CHST9: variants seen among roughly 807,000 people sequenced by gnomAD.
CHST9 encodes GalNAc-4-sulfotransferase 2.
CHST9 carries 41 observed loss-of-function variants against 44.4 expected under a neutral mutation model. The observed-to-expected ratio is 0.92, with a 90% CI of 0.72 to 1.20. The LOEUF (loss-of-function observed/expected upper bound fraction) is 1.20, where lower values mean the gene tolerates loss of function less well. Ranked by LOEUF, CHST9 falls within the 50% of genes most tolerant of loss-of-function variation. The pLI is 0.00. For missense variants in CHST9, 504 were observed against 516.5 expected (o/e 0.98, Z 0.23); for synonymous variants, 171 against 178.4 (o/e 0.96, Z 0.33).
At chr18:27,164,430 A>AT (rs377128237) in intron 1 of CHST9, among the ~76,000 whole-genome samples, 2 of 151,978 alleles carry the variant, frequency 1.3e-5, no homozygotes, top group Non-Finnish European at 2.9e-5. Flanking sequence ...AGAAAAAAAA[A>AT]GATGGAAAAT....
intron 4 of CHST9, among the ~76,000 whole-genome samples, chr18:27,018,161 C>CT (rs2057177258): frequency 6.6e-6 from 1 of 152,134 alleles, no homozygotes; most frequent in Admixed American, 6.5e-5. Context: ...CTATGGGGCA[C>CT]TTTAACAAGG....
At chr18:27,133,886 G>A (rs570817907) in intron 2 of CHST9, among the ~76,000 whole-genome samples, 4 of 152,284 alleles carry the variant, frequency 2.6e-5, no homozygotes, top group Admixed American at 6.5e-5. Context: ...GAGGTGTGGC[G>A]CTGTCCAGAA....
chr18:26,924,519 G>A, intron 5 of CHST9: 1 of 567,800 alleles, frequency 1.8e-6, no homozygotes, highest in Non-Finnish European at 2.2e-6. Context: ...CACTGCCCAG[G>A]GAGTAATTTA....
At chr18:26,918,042 C>T (rs1288560236) in intron 5 of CHST9, among the ~76,000 whole-genome samples, 1 of 152,146 alleles carries the variant, frequency 6.6e-6, no homozygotes, top group Non-Finnish European at 1.5e-5. Context: ...ACGTCCTGCT[C>T]TATAAAACTG....
intron 4 of CHST9, among the ~76,000 whole-genome samples, chr18:26,992,626 T>A (rs964380232): frequency 1.3e-5 from 2 of 152,164 alleles, no homozygotes; most frequent in African/African-American, 2.4e-5. Flanking sequence ...CTTTCTTTTT[T>A]TTTTTTAAAG....
At chr18:27,162,274 T>C (rs1239089574) in intron 1 of CHST9, among the ~76,000 whole-genome samples, 1 of 152,136 alleles carries the variant, frequency 6.6e-6, no homozygotes, top group East Asian at 1.9e-4. Flanking sequence ...GTTTAGTGCT[T>C]CCTTCAGGAG....
intron 3 of CHST9, among the ~76,000 whole-genome samples, chr18:27,025,747 T>C (rs1373259919): frequency 6.6e-6 from 1 of 152,154 alleles, no homozygotes; most frequent in Admixed American, 6.5e-5. Context: ...CCACCCAATT[T>C]ATTGTAATTG....
At chr18:26,996,683 ACT>A in intron 4 of CHST9, among the ~76,000 whole-genome samples, 1 of 152,068 alleles carries the variant, frequency 6.6e-6, no homozygotes, top group Middle Eastern at 3.4e-3. Context: ...GAGGATACAG[ACT>A]CTAGTTAAAG....
Position 27,048,446 on chromosome 18 carries a change from C to T in CHST9, c.160+19G>A, listed in dbSNP as rs2057529413. 6.3e-7 allele frequency: 1 copy of T among 1,588,652 alleles called. No individual in the cohort carries two copies. Among genetic ancestry groups the T allele is most frequent in the Non-Finnish European group, 8.6e-7 (1 of 1,166,106 alleles). ...TAAAATCAGGAAATAAAGCTGGAGC[C>T]CATTGGACAAAATCTTACCTGAAGT... On this transcript the variant is annotated intron_variant, in intron 3 of 5. Coordinates refer to ENST00000618847, the MANE Select transcript of CHST9 (RefSeq NM_031422.6).
chr18:26,984,729 C>CAAAAAAAAAAAA (rs200222761), intron 4 of CHST9, among the ~76,000 whole-genome samples: 1 of 61,716 alleles, frequency 1.6e-5, no homozygotes, highest in Non-Finnish European at 3.7e-5. Flanking sequence ...TACCAAAAGA[C>CAAAAAAAAAAAA]AAAAAAAAAA....
At chr18:27,126,138 T>A (rs2058421812) in intron 2 of CHST9, among the ~76,000 whole-genome samples, 1 of 152,224 alleles carries the variant, frequency 6.6e-6, no homozygotes, top group South Asian at 2.1e-4. Context: ...AATCAGATGA[T>A]GGATTCTCAC....
chr18:27,084,346 G>A (rs1367800952), intron 2 of CHST9, among the ~76,000 whole-genome samples: 3 of 151,504 alleles, frequency 2.0e-5, no homozygotes, highest in Admixed American at 1.3e-4. Context: ...TCTGTCCAGG[G>A]TTTCAATTTT....
chr18:27,115,571 G>C (rs2058312587), intron 2 of CHST9, among the ~76,000 whole-genome samples: 1 of 152,104 alleles, frequency 6.6e-6, no homozygotes, highest in Non-Finnish European at 1.5e-5. Flanking sequence ...CTGGAGTGCA[G>C]TGACACAAAC....
intron 4 of CHST9, 52 bp downstream of exon 4, chr18:27,024,064 T>C (rs998112377): frequency 6.5e-7 from 1 of 1,539,354 alleles, no homozygotes; most frequent in Admixed American, 1.7e-5. Flanking sequence ...TAGTTGTTGC[T>C]CTGCTTATCT....
chr18:27,088,289 G>T (rs757103664), intron 2 of CHST9, among the ~76,000 whole-genome samples: 3 of 151,626 alleles, frequency 2.0e-5, no homozygotes, highest in Non-Finnish European at 4.4e-5. Flanking sequence ...TCTTCTTTAT[G>T]TTCCCAATAA....
chr18:27,183,115 G>T (rs911425462), intron 1 of CHST9, among the ~76,000 whole-genome samples: 1 of 150,154 alleles, frequency 6.7e-6, no homozygotes, highest in Admixed American at 6.6e-5. Flanking sequence ...TTAACAAAAA[G>T]GTGGGGGGTG....
intron 4 of CHST9, among the ~76,000 whole-genome samples, chr18:27,019,689 C>CAAAAAAAAAAAAAAA (rs60043018): frequency 2.2e-5 from 2 of 91,300 alleles, no homozygotes; most frequent in African/African-American, 4.3e-5. Flanking sequence ...CACTACATGG[C>CAAAAAAAAAAAAAAA]AAAAAAAAAA....
At chr18:27,053,280 G>A (rs10468893) in intron 2 of CHST9, among the ~76,000 whole-genome samples, 3,529 of 85,382 alleles carry the variant, frequency 0.041, 129 homozygotes, top group African/African-American at 0.05. Flanking sequence ...GAAGGAGAAG[G>A]AGAAGGAGAA....
chr18:27,072,111 A>G (rs988939216), intron 2 of CHST9, among the ~76,000 whole-genome samples: 6 of 152,134 alleles, frequency 3.9e-5, no homozygotes, highest in African/African-American at 1.4e-4. Flanking sequence ...TGGGCTTTTG[A>G]GAGGCTGTGA....
Sources: gnomAD v4.1 joint callset for allele counts (sites outside exome capture counted in the v4.1 genomes callset) on GRCh38, gnomAD v4.1.1 for gene constraint, MANE v1.5 for transcripts, NCBI Gene and HGNC (gene_info 2026-07-23, HGNC 2026-07-21) for gene names.